Variants in INO80D observed in about 807,000 individuals in gnomAD.
INO80D encodes INO80 complex subunit D.
Under a neutral mutation model 87.6 loss-of-function variants are expected in INO80D, and 21 were observed. The ratio of observed to expected loss-of-function variants is 0.24; its 90% CI spans 0.17 to 0.35. The LOEUF (loss-of-function observed/expected upper bound fraction) is 0.35, where lower values mean the gene tolerates loss of function less well. Among genes scored for constraint, INO80D ranks in the 10% least tolerant of loss-of-function variants. The pLI is 1.00. For missense variants in INO80D, 982 were observed against 1,280.7 expected (o/e 0.77, Z 3.56); for synonymous variants, 440 against 491.0 (o/e 0.90, Z 1.37).
intron 1 of INO80D, among the ~76,000 whole-genome samples, chr2:206,080,902 C>CAAAAAAAAAAAAAAAAA (rs60198558): frequency 2.6e-5 from 1 of 38,064 alleles, no homozygotes. Flanking sequence ...GACTCAGTCT[C>CAAAAAAAAAAAAAAAAA]AAAAAAAAAA....
chr2:206,033,079 C>T (rs1043564458), intron 5 of INO80D, among the ~76,000 whole-genome samples: 1 of 152,176 alleles, frequency 6.6e-6, no homozygotes, highest in Admixed American at 6.5e-5. Flanking sequence ...CTATCTGCTG[C>T]CTTCAGGAGA....
chr2:206,051,457 C>G (rs1469449421), intron 4 of INO80D, among the ~76,000 whole-genome samples: 1 of 151,988 alleles, frequency 6.6e-6, no homozygotes, highest in African/African-American at 2.4e-5. Context: ...ATATAAAAAG[C>G]TCTTACCAAT....
chr2:206,045,442 GAGTA>G (rs1207826961), intron 5 of INO80D, among the ~76,000 whole-genome samples: 1 of 152,136 alleles, frequency 6.6e-6, no homozygotes, highest in African/African-American at 2.4e-5. Context: ...ATGGTTAGCT[GAGTA>G]AGTGAGTCAT....
chr2:206,049,401 G>T (rs910234499), intron 4 of INO80D, among the ~76,000 whole-genome samples: 2 of 152,146 alleles, frequency 1.3e-5, no homozygotes, highest in African/African-American at 2.4e-5. Context: ...GTGTTGAAAG[G>T]TAAGGTCCTT....
At chr2:206,042,815 T>C (rs1480115619) in intron 5 of INO80D, among the ~76,000 whole-genome samples, 1 of 151,586 alleles carries the variant, frequency 6.6e-6, no homozygotes, top group Admixed American at 6.6e-5. Context: ...TAAGAGCCTA[T>C]CTCTACAAAA....
chr2:206,082,372 T>C (rs1346348933), intron 1 of INO80D, among the ~76,000 whole-genome samples: 2 of 152,210 alleles, frequency 1.3e-5, no homozygotes, highest in Non-Finnish European at 2.9e-5. Context: ...GAGAACCAAG[T>C]AGTCTGTCAC....
chr2:206,064,414 C>A (rs1416570438), intron 1 of INO80D, among the ~76,000 whole-genome samples: 1 of 152,166 alleles, frequency 6.6e-6, no homozygotes, highest in East Asian at 1.9e-4. Context: ...GATGGAACAG[C>A]TCAGATATCA....
intron 5 of INO80D, chr2:206,040,587 C>A: frequency 3.8e-6 from 1 of 264,756 alleles, no homozygotes; most frequent in Admixed American, 4.0e-5. Flanking sequence ...GCTATCCCTG[C>A]AAAGTGACAG....
At chr2:206,049,048 TTTTA>T (rs552971446) in intron 4 of INO80D, among the ~76,000 whole-genome samples, 8 of 152,362 alleles carry the variant, frequency 5.3e-5, no homozygotes, top group Non-Finnish European at 1.2e-4. Context: ...ATAACTAGTA[TTTTA>T]TTTATGTCTT....
rs1038217355 is a variant in INO80D at position 206,001,659 on chromosome 2, C to G, written c.*2709G>C. On this transcript the variant is annotated 3_prime_UTR_variant, in exon 11 of 11. Transcript: ENST00000403263. ...AAGTAAAAGAAAAACACAGATCTCT[C>G]TGGGCTTATAGATGTTCTCCTCTCT... 6.6e-6 allele frequency: 1 copy of G among 152,184 alleles called. No homozygotes were observed. Among genetic ancestry groups the G allele is most frequent in the Non-Finnish European group, 1.5e-5 (1 of 68,032 alleles). 9.4% of individuals were successfully genotyped at this position (152,184 alleles called of 1,614,324 possible). A position where few individuals can be genotyped will look rare whatever the true frequency, so the allele number is the denominator to read the frequency against.
chr2:206,055,155 C>T lies in INO80D; in HGVS notation c.964+1043G>A, dbSNP rs537909254. On this transcript the variant is annotated intron_variant, in intron 4 of 10. Transcript: ENST00000403263. ...TATCTCTTCACGTTCTATCTTTGCT[C>T]ATATTTCTATTGCTGTCATATTATG... Among the ~76,000 whole-genome samples, 3 of 152,272 alleles carry T rather than the reference C, an allele frequency of 2.0e-5. No individual in the cohort carries two copies. In the East Asian group the frequency reaches 5.8e-4, roughly 29 times the overall value.
chr2:206,072,570 G>GCC (rs975063208), intron 1 of INO80D, among the ~76,000 whole-genome samples: 3 of 151,712 alleles, frequency 2.0e-5, no homozygotes, highest in African/African-American at 7.3e-5. Flanking sequence ...GAGCCACCGC[G>GCC]CCTGCCGTAA....
At chr2:206,027,189 A>T (rs1688641787) in intron 6 of INO80D, among the ~76,000 whole-genome samples, 1 of 152,092 alleles carries the variant, frequency 6.6e-6, no homozygotes, top group South Asian at 2.1e-4. Flanking sequence ...GAGAAAGACT[A>T]GAAGGAAACA....
At chr2:206,039,269 T>C (rs902828056) in intron 5 of INO80D, among the ~76,000 whole-genome samples, 1 of 151,824 alleles carries the variant, frequency 6.6e-6, no homozygotes, top group Non-Finnish European at 1.5e-5. Flanking sequence ...TGGTGGCGCA[T>C]GCCTGTAATC....
rs1232317655 is a variant in INO80D at position 206,028,352 on chromosome 2, G to A, written c.1074-17C>T. 1.3e-6 allele frequency: 2 copies of A among 1,558,266 alleles called. No individual in the cohort carries two copies. The highest frequency in any genetic ancestry group is 1.4e-5 in the African/African-American group (1 of 73,116). ...TCATCTGACCTGGAAAGTGCAGGGAGAGAAAGGAAAAACTGATTACACATT... is the reference window on the plus strand; with the variant it reads ...TCATCTGACCTGGAAAGTGCAGGGAAAGAAAGGAAAAACTGATTACACATT... On this transcript the variant is annotated splice_polypyrimidine_tract_variant and intron_variant, in intron 5 of 10. Transcript: ENST00000403263.
At position 206,056,396 on chromosome 2, in the gene INO80D, G is replaced by A. The variant is rs751494580; in HGVS notation, c.766C>T (p.Arg256Trp). ...AGAGGCCTCTTGTGAGACAACTGCC[G>A]TGCTTGTGCTATAGTGTGTGTGGTG... The part of the protein sequence containing the change: ...APTTHTIAQA[R>W]QLSHKRPLPL... The change falls in exon 4 of 11, where the codon CGG (arginine) becomes TGG (tryptophan). Residue 256 changes from arginine to tryptophan, a missense_variant. Arg to Trp is a moderately radical substitution (Grantham distance 101, BLOSUM62 -3). Transcript: ENST00000403263. 5.3e-5 allele frequency: 85 copies of A among 1,613,776 alleles called. No homozygotes were observed. The highest frequency in any genetic ancestry group is 2.0e-4 in the Admixed American group (12 of 59,976).
At chr2:206,033,916 A>C (rs935125243) in intron 5 of INO80D, among the ~76,000 whole-genome samples, 2 of 152,220 alleles carry the variant, frequency 1.3e-5, no homozygotes, top group African/African-American at 4.8e-5. Flanking sequence ...GAGATGTTAC[A>C]ACTGATACTA....
intron 1 of INO80D, among the ~76,000 whole-genome samples, chr2:206,082,386 A>T (rs1369671169): frequency 6.6e-6 from 1 of 152,254 alleles, no homozygotes; most frequent in Non-Finnish European, 1.5e-5. Context: ...CTGTCACCTT[A>T]CGTGCAAGGA....
At chr2:206,031,350 A>G (rs1214206353) in intron 5 of INO80D, among the ~76,000 whole-genome samples, 1 of 152,214 alleles carries the variant, frequency 6.6e-6, no homozygotes, top group Admixed American at 6.5e-5. Context: ...AAAGTCAATG[A>G]CTCAATGACT....
Sources: allele counts gnomAD v4.1 joint callset (sites outside exome capture counted in the v4.1 genomes callset), GRCh38; gene constraint gnomAD v4.1.1; transcripts MANE v1.5; gene names NCBI Gene and HGNC (gene_info 2026-07-23, HGNC 2026-07-21).